TYR: variants seen among roughly 807,000 people sequenced by gnomAD.
The protein encoded by TYR is tyrosinase.
In TYR, 58 loss-of-function variants were observed where a neutral mutation model predicts 51.5. That is an observed-to-expected ratio of 1.13 (90% CI 0.91 to 1.40). The LOEUF is 1.40. Among genes scored for constraint, TYR ranks in the 40% most tolerant of loss-of-function variants. The pLI, the probability that TYR is intolerant of heterozygous loss-of-function variation, is 0.00. For missense variants in TYR, 732 were observed against 647.4 expected (o/e 1.13, Z -1.42); for synonymous variants, 263 against 235.2 (o/e 1.12, Z -1.08).
intron 4 of TYR, among the ~76,000 whole-genome samples, chr11:89,287,086 T>C (rs1187890575): frequency 6.6e-6 from 1 of 151,884 alleles, no homozygotes; most frequent in Non-Finnish European, 1.5e-5. Context: ...ACTCACGCCT[T>C]TCTCATAGTT....
chr11:89,289,513 A>G (rs1369585111), intron 4 of TYR, among the ~76,000 whole-genome samples: 1 of 151,912 alleles, frequency 6.6e-6, no homozygotes, highest in East Asian at 1.9e-4. Flanking sequence ...ATGCCTTTCT[A>G]TCTTCATCAG....
intron 2 of TYR, among the ~76,000 whole-genome samples, chr11:89,204,262 G>T (rs930773287): frequency 6.6e-6 from 1 of 152,180 alleles, no homozygotes; most frequent in African/African-American, 2.4e-5. Flanking sequence ...ACCTCTCCTA[G>T]CAAGGAAGAC....
chr11:89,234,082 T>C lies in TYR; in HGVS notation c.1184+6112T>C, dbSNP rs1184928603. 1.4e-5 allele frequency among the ~76,000 whole-genome samples: 2 copies of C among 144,150 alleles called. 1 individual carries two copies. The highest frequency in any genetic ancestry group is 3.0e-5 in the Non-Finnish European group (2 of 66,808). The allele number at this position is 144,150 out of a possible 152,430, so 94.6% of individuals were successfully genotyped here. A position where few individuals can be genotyped will look rare whatever the true frequency, so the allele number is the denominator to read the frequency against. On this transcript the variant is annotated intron_variant, in intron 3 of 4. Coordinates refer to ENST00000263321, the MANE Select transcript of TYR (RefSeq NM_000372.5). ...TACACTGAAAATCTATTGTTTAGTA[T>C]AGCCAACTTCATCTAATATCTAAAT...
chr11:89,198,769 A>ATATATATATATATTTTT (rs951676764), intron 2 of TYR, among the ~76,000 whole-genome samples: 9 of 151,014 alleles, frequency 6.0e-5, no homozygotes, highest in African/African-American at 2.2e-4. Context: ...ATATATATAT[A>ATATATATATATATTTTT]TTTTTATACT....
chr11:89,198,471 G>A (rs2135259321), intron 2 of TYR, among the ~76,000 whole-genome samples: 1 of 152,096 alleles, frequency 6.6e-6, no homozygotes, highest in Non-Finnish European at 1.5e-5. Flanking sequence ...ACCTTTCCGG[G>A]CCTGTTTTAA....
chr11:89,250,172 G>A (rs1210198465), intron 3 of TYR, among the ~76,000 whole-genome samples: 1 of 151,984 alleles, frequency 6.6e-6, no homozygotes, highest in African/African-American at 2.4e-5. Context: ...AATTTAGGAA[G>A]CATGTTGGTC....
intron 3 of TYR, among the ~76,000 whole-genome samples, chr11:89,233,336 C>T (rs1407534488): frequency 7.1e-6 from 1 of 141,478 alleles, no homozygotes; most frequent in Non-Finnish European, 1.5e-5. Context: ...TCCATGATAT[C>T]TGCAGTTATC....
At chr11:89,282,392 T>C (rs1451550874) in intron 3 of TYR, among the ~76,000 whole-genome samples, 1 of 151,844 alleles carries the variant, frequency 6.6e-6, no homozygotes, top group South Asian at 2.1e-4. Context: ...TGAAAACACA[T>C]GGTTAGTACG....
chr11:89,202,888 G>A (rs1270251866), intron 2 of TYR, among the ~76,000 whole-genome samples: 1 of 151,930 alleles, frequency 6.6e-6, no homozygotes, highest in Non-Finnish European at 1.5e-5. Context: ...CTTACCTCAA[G>A]GACAGAAAAA....
rs1489122163 is a variant in TYR, at chr11:89,231,436, A to T, written c.1184+3466A>T. Among the ~76,000 whole-genome samples, 3 of 143,140 alleles carry T rather than the reference A, an allele frequency of 2.1e-5. No individual in the cohort carries two copies. In the East Asian group the frequency reaches 6.1e-4, roughly 29 times the overall value. The allele number at this position is 143,140 out of a possible 152,430, so 93.9% of individuals were successfully genotyped here. A position where few individuals can be genotyped will look rare whatever the true frequency, so the allele number is the denominator to read the frequency against. On this transcript the variant is annotated intron_variant, in intron 3 of 4. Coordinates refer to ENST00000263321, the MANE Select transcript of TYR (RefSeq NM_000372.5). ...GATAGATTAAGAAAATGTGGTATAT[A>T]TACACAATGGAACACTATTCTGCCA...
intron 3 of TYR, among the ~76,000 whole-genome samples, chr11:89,243,064 T>G (rs188432755): frequency 2.0e-5 from 3 of 152,348 alleles, no homozygotes; most frequent in Admixed American, 1.3e-4. Context: ...ATTATCATTC[T>G]CCAACAATTT....
intron 3 of TYR, among the ~76,000 whole-genome samples, chr11:89,256,527 G>A (rs559192967): frequency 6.6e-6 from 1 of 151,714 alleles, no homozygotes; most frequent in Non-Finnish European, 1.5e-5. Flanking sequence ...AAGATTCAAT[G>A]AGAAAAAACA....
At chr11:89,191,932 G>A (rs986691708) in intron 2 of TYR, 3 of 375,078 alleles carry the variant, frequency 8.0e-6, no homozygotes, top group Middle Eastern at 4.6e-4. Flanking sequence ...TTTGTATTGT[G>A]GAATTTCAGA....
intron 1 of TYR, among the ~76,000 whole-genome samples, chr11:89,190,271 T>C (rs926007990): frequency 2.6e-5 from 4 of 152,104 alleles, no homozygotes; most frequent in African/African-American, 9.7e-5. Context: ...ATAGAGATTG[T>C]TATAGAGATG....
At chr11:89,278,176 A>G (rs1289288444) in intron 3 of TYR, among the ~76,000 whole-genome samples, 4 of 151,660 alleles carry the variant, frequency 2.6e-5, no homozygotes, top group African/African-American at 7.3e-5. Flanking sequence ...ATTTCTCTAA[A>G]CAGTCATTCT....
chr11:89,238,540 C>T (rs1319387482), intron 3 of TYR, among the ~76,000 whole-genome samples: 1 of 152,064 alleles, frequency 6.6e-6, no homozygotes, highest in Non-Finnish European at 1.5e-5. Context: ...CAAACCGGGA[C>T]CATTTAATTT....
intron 1 of TYR, among the ~76,000 whole-genome samples, chr11:89,184,308 A>G (rs1262594837): frequency 6.6e-6 from 1 of 152,118 alleles, no homozygotes; most frequent in East Asian, 1.9e-4. Context: ...AGGCAGCAGG[A>G]TCTTTTGAAA....
At chr11:89,269,216 G>C (rs1006289635) in intron 3 of TYR, among the ~76,000 whole-genome samples, 3 of 151,874 alleles carry the variant, frequency 2.0e-5, no homozygotes, top group African/African-American at 7.2e-5. Flanking sequence ...AGGTAAGAGG[G>C]GTGAGGCTTT....
intron 3 of TYR, 96 bp downstream of exon 3, chr11:89,228,066 G>A: frequency 2.0e-6 from 3 of 1,472,824 alleles, no homozygotes; most frequent in Admixed American, 3.4e-5. Flanking sequence ...AAGCTAAGAA[G>A]TTATGGTAGT....
Sources: allele counts gnomAD v4.1 joint callset (sites outside exome capture counted in the v4.1 genomes callset), GRCh38; gene constraint gnomAD v4.1.1; transcripts MANE v1.5; gene names NCBI Gene and HGNC (gene_info 2026-07-23, HGNC 2026-07-21).